The following FXYD6 variants were observed in gnomAD, a reference collection of about 807,000 sequenced individuals.
The protein encoded by FXYD6 is FXYD domain-containing ion transport regulator 6.
Under a neutral mutation model 16.7 loss-of-function variants are expected in FXYD6, and 7 were observed. The ratio of observed to expected loss-of-function variants is 0.42; its 90% CI spans 0.24 to 0.79. The LOEUF is 0.79. Ranked by LOEUF, FXYD6 falls within the 30% of genes least tolerant of loss-of-function variation. FXYD6 has a pLI of 0.28. For missense variants in FXYD6, 111 were observed against 116.2 expected (o/e 0.95, Z 0.21); for synonymous variants, 49 against 43.0 (o/e 1.14, Z -0.54).
At chr11:117,860,209 C>T (rs1490272287) in intron 1 of FXYD6, among the ~76,000 whole-genome samples, 3 of 152,090 alleles carry the variant, frequency 2.0e-5, no homozygotes, top group African/African-American at 7.2e-5. Flanking sequence ...CAAACTCCAG[C>T]CCTTGGGCCC....
At chr11:117,874,394 C>T (rs562512211) in intron 1 of FXYD6, among the ~76,000 whole-genome samples, 21 of 152,170 alleles carry the variant, frequency 1.4e-4, no homozygotes, top group Non-Finnish European at 2.2e-4. Flanking sequence ...CTTTGCACAC[C>T]CGCTTCCTCT....
intron 1 of FXYD6, among the ~76,000 whole-genome samples, chr11:117,866,043 A>G (rs2057006816): frequency 6.6e-6 from 1 of 152,200 alleles, no homozygotes; most frequent in Non-Finnish European, 1.5e-5. Context: ...CCAGTCACAG[A>G]AGGACAAGTA....
chr11:117,871,461 G>A (rs982422344), intron 1 of FXYD6, among the ~76,000 whole-genome samples: 3 of 152,082 alleles, frequency 2.0e-5, no homozygotes, highest in African/African-American at 7.2e-5. Flanking sequence ...GAGCGGGCGG[G>A]GTGGGAGGCG....
intron 1 of FXYD6, among the ~76,000 whole-genome samples, chr11:117,851,287 C>T (rs1004578133): frequency 1.3e-5 from 2 of 152,180 alleles, no homozygotes; most frequent in African/African-American, 4.8e-5. Context: ...TGTGTGCTCT[C>T]TCTCTCTCTC....
upstream of FXYD6, chr11:117,876,761 G>C (rs913554699): frequency 2.6e-5 from 4 of 151,786 alleles, no homozygotes; most frequent in Admixed American, 6.5e-5. Flanking sequence ...GGGGCGGGGG[G>C]GGGGCTCGCT....
intron 1 of FXYD6, among the ~76,000 whole-genome samples, chr11:117,848,919 C>G (rs1190211236): frequency 6.6e-6 from 1 of 152,056 alleles, no homozygotes; most frequent in African/African-American, 2.4e-5. Context: ...AAGAAACCAA[C>G]TCTTGGTTTC....
chr11:117,853,855 T>C (rs1024858038), intron 1 of FXYD6, among the ~76,000 whole-genome samples: 1 of 151,856 alleles, frequency 6.6e-6, no homozygotes, highest in Admixed American at 6.6e-5. Flanking sequence ...GTGGGGAGAG[T>C]AACGGTGACT....
chr11:117,841,733 A>C, intron 4 of FXYD6, 58 bp downstream of exon 4: 1 of 1,602,224 alleles, frequency 6.2e-7, no homozygotes, highest in African/African-American at 1.3e-5. Flanking sequence ...CACTGTCCCC[A>C]CCTGCTTAGC....
At chr11:117,863,129 C>T (rs2056944834) in intron 1 of FXYD6, among the ~76,000 whole-genome samples, 1 of 152,126 alleles carries the variant, frequency 6.6e-6, no homozygotes, top group Non-Finnish European at 1.5e-5. Flanking sequence ...TGCTATTGCC[C>T]AAGGCCCAAC....
chr11:117,866,556 G>A (rs1355409501), intron 1 of FXYD6, among the ~76,000 whole-genome samples: 1 of 152,100 alleles, frequency 6.6e-6, no homozygotes, highest in African/African-American at 2.4e-5. Flanking sequence ...TGGGACCCTG[G>A]GGCCTGTTAA....
At chr11:117,842,142 C>A in intron 2 of FXYD6, 114 bp from the exon 3 acceptor site, 2 of 1,518,236 alleles carry the variant, frequency 1.3e-6, no homozygotes, top group Non-Finnish European at 1.8e-6. Flanking sequence ...AGGAGCAGGG[C>A]CCATTAAACA....
intron 1 of FXYD6, chr11:117,869,281 T>A (rs1377589997): frequency 6.6e-6 from 1 of 152,276 alleles, no homozygotes; most frequent in Non-Finnish European, 1.5e-5. Context: ...CACTGCTGAA[T>A]TTCCCAAGCT....
chr11:117,852,482 T>C (rs1421931504), intron 1 of FXYD6, among the ~76,000 whole-genome samples: 1 of 152,262 alleles, frequency 6.6e-6, no homozygotes, highest in East Asian at 1.9e-4. Context: ...CTTCCATGAT[T>C]GCTGTTGAGA....
In FXYD6 at chr11:117,872,910, C is replaced by T. The variant is rs1401555955; in HGVS notation, c.-6+3682G>A. 6.6e-6 allele frequency among the ~76,000 whole-genome samples: 1 copy of T among 152,186 alleles called. No homozygotes were observed. Among genetic ancestry groups the T allele is most frequent in the East Asian group, 1.9e-4 (1 of 5,190 alleles). Reference sequence around the variant, plus strand: ...GTCAGAGCACTGTGTTCCCGACCGGCCCCTCTCGTTGCAACTCTCCAGCTG... The same window carrying T: ...GTCAGAGCACTGTGTTCCCGACCGGTCCCTCTCGTTGCAACTCTCCAGCTG... On this transcript the variant is annotated intron_variant, in intron 1 of 7. Coordinates refer to ENST00000526014, the MANE Select transcript of FXYD6 (RefSeq NM_022003.4). The surrounding 1 kb of genome is among the most constrained non-coding windows in gnomAD (Gnocchi z 4.9).
In FXYD6 at chr11:117,841,177, C is replaced by T. The variant is rs777102802; in HGVS notation, c.180G>A (p.Arg60=). ...SVGILLILSR[R]CKCSFNQKPR... ...GCTTCTGATTGAAACTGCACTTGCA[C>T]CTGCGACCTGAAAAGCAAAGAAACC... The change falls in exon 5 of 8, where the codon AGG becomes AGA. Residue 60 remains arginine, a synonymous_variant. Transcript: ENST00000526014. 2 of 1,614,108 alleles carry T rather than the reference C, an allele frequency of 1.2e-6. No homozygotes were observed. The highest frequency in any genetic ancestry group is 1.7e-6 in the Non-Finnish European group (2 of 1,180,024).
rs1002448484 is a variant in FXYD6 at position 117,837,373 on chromosome 11, C to T, written c.*926G>A. Reference sequence around the variant, plus strand: ...CCTTCAACTATTGCCTGCCAGAGACCCAATTGCAGGGACTGTAGTCTGCAT... The same window carrying T: ...CCTTCAACTATTGCCTGCCAGAGACTCAATTGCAGGGACTGTAGTCTGCAT... On this transcript the variant is annotated 3_prime_UTR_variant, in exon 8 of 8. Coordinates refer to ENST00000526014, the MANE Select transcript of FXYD6 (RefSeq NM_022003.4). The surrounding 1 kb of genome is among the most constrained non-coding windows in gnomAD (Gnocchi z 4.4). 2.6e-5 allele frequency: 4 copies of T among 152,604 alleles called. No individual in the cohort carries two copies. Among genetic ancestry groups the T allele is most frequent in the Admixed American group, 6.5e-5 (1 of 15,288 alleles). The allele number at this position is 152,604 out of a possible 1,614,324, so 9.5% of individuals were successfully genotyped here. A position where few individuals can be genotyped will look rare whatever the true frequency, so the allele number is the denominator to read the frequency against.
chr11:117,877,417 C>A (rs1173888871), upstream of FXYD6: 2 of 147,902 alleles, frequency 1.4e-5, no homozygotes, highest in African/African-American at 2.5e-5. Context: ...TTCATGATGA[C>A]GAACTTTGAA....
chr11:117,873,997 G>T (rs1056688949), intron 1 of FXYD6, among the ~76,000 whole-genome samples: 23 of 152,166 alleles, frequency 1.5e-4, no homozygotes, highest in African/African-American at 5.5e-4. Context: ...ACTGAGAAAA[G>T]AAAGCAAGGG....
chr11:117,871,373 C>A (rs1173807685), intron 1 of FXYD6, among the ~76,000 whole-genome samples: 1 of 149,002 alleles, frequency 6.7e-6, no homozygotes, highest in African/African-American at 2.5e-5. Flanking sequence ...ACGCTGTTCA[C>A]TGGGCTTTCT....
Sources: gnomAD v4.1 joint callset for allele counts (sites outside exome capture counted in the v4.1 genomes callset) on GRCh38, gnomAD v4.1.1 for gene constraint, Gnocchi (gnomAD v3.1) non-coding constraint, MANE v1.5 for transcripts, NCBI Gene and HGNC (gene_info 2026-07-23, HGNC 2026-07-21) for gene names.